Variants in SUGCT observed in about 807,000 individuals in gnomAD.
SUGCT encodes the protein succinyl-CoA:glutarate-CoA transferase.
SUGCT carries 41 observed loss-of-function variants against 55.0 expected under a neutral mutation model. The observed-to-expected ratio is 0.74, with a 90% confidence interval of 0.58 to 0.97. The LOEUF (loss-of-function observed/expected upper bound fraction) is 0.97, where lower values mean the gene tolerates loss of function less well. Among genes scored for constraint, SUGCT ranks in the 50% least tolerant of loss-of-function variants. The pLI, the probability that SUGCT is intolerant of heterozygous loss-of-function variation, is 0.00. For missense variants in SUGCT, 568 were observed against 547.8 expected (o/e 1.04, Z -0.37); for synonymous variants, 187 against 200.4 (o/e 0.93, Z 0.56).
chr7:40,149,374 A>T (rs1338992923), intron 1 of SUGCT, among the ~76,000 whole-genome samples: 2 of 152,202 alleles, frequency 1.3e-5, no homozygotes, highest in Non-Finnish European at 2.9e-5. Context: ...CTTTAGGAGA[A>T]ACTTAGTTTA....
chr7:40,435,674 G>A (rs997183331), intron 9 of SUGCT, among the ~76,000 whole-genome samples: 40 of 152,094 alleles, frequency 2.6e-4, no homozygotes, highest in African/African-American at 9.4e-4. Context: ...TTGGGCTTCT[G>A]CTTTTGCCTA....
intron 6 of SUGCT, among the ~76,000 whole-genome samples, chr7:40,209,989 C>T (rs1787240575): frequency 1.3e-5 from 2 of 152,132 alleles, no homozygotes; most frequent in Non-Finnish European, 1.5e-5. Flanking sequence ...AAATCTTCAC[C>T]TTAGTTAGAT....
chr7:40,639,319 T>C (rs967849284), intron 12 of SUGCT, among the ~76,000 whole-genome samples: 3 of 152,152 alleles, frequency 2.0e-5, no homozygotes, highest in Admixed American at 2.0e-4. Context: ...TAATTAAATA[T>C]TGGCAAAAGA....
At chr7:40,570,877 T>TTTTTTTTTTTTTTTTC (rs1796412009) in intron 12 of SUGCT, among the ~76,000 whole-genome samples, 1 of 136,312 alleles carries the variant, frequency 7.3e-6, no homozygotes, top group African/African-American at 2.8e-5. Context: ...TTTTTTTTTT[T>TTTTTTTTTTTTTTTTC]CAGTTGGAGC....
chr7:40,145,242 A>G (rs1325541291), intron 1 of SUGCT, among the ~76,000 whole-genome samples: 3 of 152,314 alleles, frequency 2.0e-5, no homozygotes, highest in East Asian at 3.8e-4. Flanking sequence ...TACCAAAAGT[A>G]TATTTACTTT....
At chr7:40,920,376 T>C in the SUGCT span, among the ~76,000 whole-genome samples, 1 of 152,146 alleles carries the variant, frequency 6.6e-6, no homozygotes, top group African/African-American at 2.4e-5. Flanking sequence ...TTAACAAGAA[T>C]ATCACCAGAA....
intron 12 of SUGCT, among the ~76,000 whole-genome samples, chr7:40,504,438 AT>A (rs895938058): frequency 1.9e-4 from 28 of 147,536 alleles, no homozygotes; most frequent in East Asian, 1.2e-3. Context: ...CCAAGAATAG[AT>A]TTTTTTTTTT....
intron 9 of SUGCT, among the ~76,000 whole-genome samples, chr7:40,422,537 G>A (rs1332749034): frequency 6.6e-6 from 1 of 151,760 alleles, no homozygotes; most frequent in Admixed American, 6.6e-5. Context: ...TCTTTACTTA[G>A]AATGCATTCT....
chr7:41,007,862 T>C, the SUGCT span, among the ~76,000 whole-genome samples: 1 of 151,432 alleles, frequency 6.6e-6, no homozygotes, highest in Non-Finnish European at 1.5e-5. Context: ...TGGTCTTATG[T>C]ATTTTTTTTA....
chr7:40,419,821 A>AT (rs1332797992), intron 9 of SUGCT, among the ~76,000 whole-genome samples: 1 of 152,208 alleles, frequency 6.6e-6, no homozygotes, highest in African/African-American at 2.4e-5. Flanking sequence ...AGAATGGTTA[A>AT]TAAAAAGAAA....
At chr7:40,863,902 A>G (rs536242335), downstream of SUGCT, among the ~76,000 whole-genome samples, 26 of 152,158 alleles carry the variant, frequency 1.7e-4, no homozygotes, top group African/African-American at 6.3e-4. Context: ...CATGTGTTTG[A>G]TAAGGAAGAT....
At chr7:40,202,438 G>T (rs891368267) in intron 6 of SUGCT, among the ~76,000 whole-genome samples, 4 of 152,186 alleles carry the variant, frequency 2.6e-5, no homozygotes, top group African/African-American at 9.6e-5. Flanking sequence ...TGTTGCATGT[G>T]TGTGTGTTTG....
intron 11 of SUGCT, among the ~76,000 whole-genome samples, chr7:40,490,892 A>G (rs555954679): frequency 1.3e-5 from 2 of 152,314 alleles, no homozygotes; most frequent in South Asian, 4.1e-4. Context: ...ACTGGTCTCA[A>G]AGAAAAATTA....
the SUGCT span, among the ~76,000 whole-genome samples, chr7:40,963,628 T>G: frequency 6.6e-6 from 1 of 152,178 alleles, no homozygotes; most frequent in South Asian, 2.1e-4. Context: ...AATTTAATAA[T>G]GGCAAATGGC....
the SUGCT span, among the ~76,000 whole-genome samples, chr7:40,903,527 G>A: frequency 0.05 from 7,569 of 152,202 alleles, 276 homozygotes; most frequent in South Asian, 0.17. Context: ...TCCCCACACA[G>A]GTCTACTGGT....
intron 11 of SUGCT, among the ~76,000 whole-genome samples, chr7:40,480,937 C>T (rs1790997031): frequency 6.6e-6 from 1 of 152,044 alleles, no homozygotes; most frequent in East Asian, 1.9e-4. Context: ...AGAGTAAGAA[C>T]AGAATATGCA....
chr7:40,205,889 T>C (rs1468464595), intron 6 of SUGCT, among the ~76,000 whole-genome samples: 1 of 152,152 alleles, frequency 6.6e-6, no homozygotes, highest in Non-Finnish European at 1.5e-5. Context: ...AGCAAAGAGA[T>C]CGCCTGGGCC....
At chr7:40,377,963 C>T (rs1473351058) in intron 9 of SUGCT, among the ~76,000 whole-genome samples, 1 of 152,044 alleles carries the variant, frequency 6.6e-6, no homozygotes, top group East Asian at 1.9e-4. Flanking sequence ...ATTGGTTAAC[C>T]TTATTGATGG....
At chr7:40,835,890 C>CTT (rs1011199588) in intron 13 of SUGCT, among the ~76,000 whole-genome samples, 15 of 136,100 alleles carry the variant, frequency 1.1e-4, no homozygotes, top group Non-Finnish European at 1.6e-4. Flanking sequence ...TCTTTTTTTT[C>CTT]TTTTTTTTTT....
Sources: allele counts gnomAD v4.1 joint callset (sites outside exome capture counted in the v4.1 genomes callset), GRCh38; gene constraint gnomAD v4.1.1; transcripts MANE v1.5; gene names NCBI Gene and HGNC (gene_info 2026-07-23, HGNC 2026-07-21).